CFAP91: variants seen among roughly 807,000 people sequenced by gnomAD.
The protein encoded by CFAP91 is cilia- and flagella-associated protein 91.
In CFAP91, 85 loss-of-function variants were observed where a neutral mutation model predicts 95.9. That is an observed-to-expected ratio of 0.89 (90% CI 0.74 to 1.06). The LOEUF is 1.06. Among genes scored for constraint, CFAP91 ranks in the 50% least tolerant of loss-of-function variants. The pLI is 0.00. For synonymous variants in CFAP91, 335 were observed against 327.5 expected (o/e 1.02, Z -0.25); for missense variants, 962 against 943.4 (o/e 1.02, Z -0.26).
At position 119,730,600 on chromosome 3, in the gene CFAP91, T is replaced by TTGTGTGTGTGTGTG. The variant is rs1559757137; in HGVS notation, c.1018+223_1018+224insTGTGTGTGTGTGTG. Among the ~76,000 whole-genome samples the TTGTGTGTGTGTGTG allele has an allele frequency of 5.2e-5, 5 of 95,462 alleles. No homozygotes were observed. In the East Asian group the frequency reaches 2.1e-3, roughly 40 times the overall value. 62.6% of individuals were successfully genotyped at this position (95,462 alleles called of 152,430 possible). The stretch of plus-strand genomic sequence containing the variant: ...CTAACAGGTAGTCGAGTTACTGAGA[T>TTGTGTGTGTGTGTG]AGTGTGTGTGTGTGTGTGTGTGTGT... On this transcript the variant is annotated intron_variant, in intron 8 of 17. Coordinates refer to ENST00000273390, the MANE Select transcript of CFAP91 (RefSeq NM_033364.4).
At chr3:119,715,795 G>C (rs373510470) in intron 6 of CFAP91, 52 bp downstream of exon 6, 254 of 1,532,662 alleles carry the variant, frequency 1.7e-4, no homozygotes, top group Non-Finnish European at 2.1e-4. Flanking sequence ...TGATAACCAC[G>C]CATGCTGTTC....
intron 17 of CFAP91, among the ~76,000 whole-genome samples, chr3:119,757,379 C>A (rs1394503619): frequency 1.3e-5 from 2 of 152,048 alleles, no homozygotes; most frequent in African/African-American, 2.4e-5. Flanking sequence ...TGCAGTGGCT[C>A]ACGTCTGTAA....
chr3:119,713,476 C>G (rs929890163), intron 5 of CFAP91, among the ~76,000 whole-genome samples: 1 of 149,646 alleles, frequency 6.7e-6, no homozygotes, highest in South Asian at 2.1e-4. Context: ...TATATAAGCT[C>G]TTACCATTGC....
At chr3:119,743,256 TA>T (rs1360694692) in intron 13 of CFAP91, among the ~76,000 whole-genome samples, 12 of 151,976 alleles carry the variant, frequency 7.9e-5, no homozygotes, top group Admixed American at 7.9e-4. Flanking sequence ...TAGCTGGGAT[TA>T]CAGGCACGCA....
At chr3:119,753,518 C>T (rs2054366745) in intron 17 of CFAP91, among the ~76,000 whole-genome samples, 1 of 152,304 alleles carries the variant, frequency 6.6e-6, no homozygotes, top group Admixed American at 6.5e-5. Context: ...TAACATTATT[C>T]TAGACCTCTA....
chr3:119,763,647 T>C (rs1210361928), intron 17 of CFAP91, among the ~76,000 whole-genome samples: 1 of 151,798 alleles, frequency 6.6e-6, no homozygotes, highest in Non-Finnish European at 1.5e-5. Context: ...AATCCTGTCA[T>C]TTGCAGCAAC....
chr3:119,742,886 A>G (rs2054146776), intron 13 of CFAP91, among the ~76,000 whole-genome samples: 1 of 152,192 alleles, frequency 6.6e-6, no homozygotes, highest in Non-Finnish European at 1.5e-5. Context: ...GAAGCTGAGC[A>G]TAGAGGGAGA....
intron 17 of CFAP91, among the ~76,000 whole-genome samples, chr3:119,760,614 C>G (rs780926783): frequency 3.3e-5 from 5 of 151,666 alleles, no homozygotes; most frequent in Non-Finnish European, 7.4e-5. Flanking sequence ...AGAACATTCT[C>G]CAAGACTGAT....
At chr3:119,763,961 C>A (rs2054583723) in intron 17 of CFAP91, among the ~76,000 whole-genome samples, 1 of 151,934 alleles carries the variant, frequency 6.6e-6, no homozygotes, top group South Asian at 2.1e-4. Context: ...TTGAAAATAG[C>A]AAAGAGAGAT....
chr3:119,764,560 T>G (rs1432929121), intron 17 of CFAP91, among the ~76,000 whole-genome samples: 1 of 152,072 alleles, frequency 6.6e-6, no homozygotes, highest in Non-Finnish European at 1.5e-5. Context: ...GGGCAAGTAA[T>G]GAAATAAAGG....
intron 13 of CFAP91, among the ~76,000 whole-genome samples, chr3:119,742,081 A>AG (rs58829607): frequency 0.016 from 2,504 of 152,256 alleles, 62 homozygotes; most frequent in African/African-American, 0.057. Context: ...TGGCCCTTTC[A>AG]GTTTCTGATC....
intron 7 of CFAP91, 79 bp downstream of exon 7, chr3:119,726,427 C>A (rs960583582): frequency 1.5e-6 from 2 of 1,351,490 alleles, no homozygotes; most frequent in East Asian, 2.5e-5. Context: ...AAAGCATTCT[C>A]CCAAATGTAT....
chr3:119,753,060 C>T (rs980010006), intron 17 of CFAP91, among the ~76,000 whole-genome samples: 12 of 152,032 alleles, frequency 7.9e-5, no homozygotes, highest in Admixed American at 7.9e-4. Flanking sequence ...TTTAAAAATA[C>T]ATATTTTTAA....
Position 119,740,537 on chromosome 3 carries a change from G to T in CFAP91, c.1534-12G>T, listed in dbSNP as rs1170580464. On this transcript the variant is annotated splice_polypyrimidine_tract_variant and intron_variant, in intron 12 of 17. Coordinates refer to ENST00000273390, the MANE Select transcript of CFAP91 (RefSeq NM_033364.4). ...TAACTTGCAGGTCTGTCTTTGATTT[G>T]ATTTGATACAGATGTTTGAAGGGAA... is the stretch of plus-strand genomic sequence containing the variant. The T allele has an allele frequency of 6.7e-7, 1 of 1,503,348 alleles. No individual in the cohort carries two copies. Among genetic ancestry groups the T allele is most frequent in the East Asian group, 2.7e-5 (1 of 37,652 alleles). 93.1% of individuals were successfully genotyped at this position (1,503,348 alleles called of 1,614,324 possible). A position where few individuals can be genotyped will look rare whatever the true frequency, so the allele number is the denominator to read the frequency against.
At position 119,762,141 on chromosome 3, in the gene CFAP91, C is replaced by T. The variant is rs1000609993; in HGVS notation, c.*2-2911C>T. 1.4e-4 allele frequency among the ~76,000 whole-genome samples: 21 copies of T among 151,432 alleles called. No homozygotes were observed. In the East Asian group the frequency reaches 1.7e-3, roughly 12 times the overall value. On this transcript the variant is annotated intron_variant, in intron 17 of 17. Transcript: ENST00000273390. ...TAGAAATGATAAAGTAATTAATTTA[C>T]GGGTACAAAATCAACATACAAAAAT...
intron 17 of CFAP91, among the ~76,000 whole-genome samples, chr3:119,756,752 A>T (rs919238376): frequency 6.6e-6 from 1 of 152,194 alleles, no homozygotes; most frequent in Non-Finnish European, 1.5e-5. Context: ...CTCTGAAAGG[A>T]TAATAAAGAG....
At chr3:119,720,958 A>G (rs1201223452) in intron 6 of CFAP91, among the ~76,000 whole-genome samples, 1 of 152,244 alleles carries the variant, frequency 6.6e-6, no homozygotes, top group African/African-American at 2.4e-5. Context: ...TTCAGAACAG[A>G]CACAGTTTAA....
At chr3:119,711,692 A>G (rs970620748) in intron 5 of CFAP91, among the ~76,000 whole-genome samples, 11 of 152,364 alleles carry the variant, frequency 7.2e-5, no homozygotes, top group Admixed American at 3.9e-4. Context: ...AGCAGTGAGT[A>G]TAATGCCACC....
At chr3:119,751,333 A>G (rs2054321679) in intron 17 of CFAP91, among the ~76,000 whole-genome samples, 1 of 152,226 alleles carries the variant, frequency 6.6e-6, no homozygotes, top group Non-Finnish European at 1.5e-5. Context: ...AGAGGACTCT[A>G]AATTATTTTT....
Sources: gnomAD v4.1 joint callset for allele counts (sites outside exome capture counted in the v4.1 genomes callset) on GRCh38, gnomAD v4.1.1 for gene constraint, MANE v1.5 for transcripts, NCBI Gene and HGNC (gene_info 2026-07-23, HGNC 2026-07-21) for gene names.